CEP78: variants seen among roughly 807,000 people sequenced by gnomAD.
CEP78 encodes centrosomal protein of 78 kDa.
In CEP78, 76 loss-of-function variants were observed where a neutral mutation model predicts 81.2. That is an observed-to-expected ratio of 0.94 (90% CI 0.78 to 1.13). CEP78 has a LOEUF of 1.13. Ranked by LOEUF, CEP78 falls within the 50% of genes most tolerant of loss-of-function variation. The pLI is 0.00. For synonymous variants in CEP78, 293 were observed against 301.4 expected (o/e 0.97, Z 0.29); for missense variants, 918 against 846.8 (o/e 1.08, Z -1.04).
At chr9:78,240,656 A>G (rs1455098689) in intron 3 of CEP78, among the ~76,000 whole-genome samples, 1 of 152,072 alleles carries the variant, frequency 6.6e-6, no homozygotes, top group East Asian at 1.9e-4. Flanking sequence ...TATTTATGGG[A>G]AGGAAATAGC....
At position 78,279,086 on chromosome 9, in the gene CEP78, C is replaced by A. The variant is rs760595798; in HGVS notation, c.*8235C>A. 7 of 126,786 alleles carry A rather than the reference C, an allele frequency of 5.5e-5. No homozygotes were observed. Among genetic ancestry groups the A allele is most frequent in the African/African-American group, 6.8e-5 (2 of 29,210 alleles). The allele number at this position is 126,786 out of a possible 1,614,324, so 7.9% of individuals were successfully genotyped here. ...GAACTGAAAAAAAAAAAAAAGGCAA[C>A]CTTGGTAGTTTAGAAATAGATAAGG... On this transcript the variant is annotated 3_prime_UTR_variant, in exon 17 of 17. Transcript: ENST00000643273.
chr9:78,265,982 T>A, intron 15 of CEP78, 76 bp downstream of exon 15: 1 of 744,378 alleles, frequency 1.3e-6, no homozygotes, highest in Non-Finnish European at 2.4e-6. Flanking sequence ...AGGCATCATC[T>A]AGTTATGGGA....
chr9:78,238,633 G>A (rs1019720628), intron 1 of CEP78, among the ~76,000 whole-genome samples: 50 of 152,308 alleles, frequency 3.3e-4, no homozygotes, highest in African/African-American at 1.2e-3. Context: ...TCTGGGGTTA[G>A]CACCATCTCT....
intron 9 of CEP78, among the ~76,000 whole-genome samples, chr9:78,252,849 C>T (rs1047157864): frequency 6.6e-6 from 1 of 152,084 alleles, no homozygotes; most frequent in Non-Finnish European, 1.5e-5. Context: ...GTGCTGAGGC[C>T]CCAGTCTTTA....
At chr9:78,267,271 T>C (rs960937101) in intron 16 of CEP78, among the ~76,000 whole-genome samples, 1 of 152,328 alleles carries the variant, frequency 6.6e-6, no homozygotes, top group Non-Finnish European at 1.5e-5. Flanking sequence ...ACAAAGCCTT[T>C]AATCTCAAGG....
intron 16 of CEP78, chr9:78,266,970 C>A: frequency 7.1e-7 from 1 of 1,400,908 alleles, no homozygotes; most frequent in Non-Finnish European, 9.2e-7. Flanking sequence ...TTTTGAATTT[C>A]AAGAAAGCAT....
At chr9:78,266,173 C>G (rs1452398985) in intron 15 of CEP78, among the ~76,000 whole-genome samples, 1 of 151,704 alleles carries the variant, frequency 6.6e-6, no homozygotes, top group African/African-American at 2.4e-5. Flanking sequence ...AGGAAAGATA[C>G]TAATTTTCTT....
intron 13 of CEP78, 146 bp downstream of exon 13, chr9:78,264,462 A>C (rs1443121023): frequency 9.9e-6 from 6 of 604,500 alleles, no homozygotes; most frequent in East Asian, 3.3e-5. Context: ...ATGTGGAATT[A>C]ATTTTAAAAG....
rs1421395410 is a variant in CEP78, at chr9:78,278,792, AG to A, written c.*7942del. The A allele has an allele frequency of 1.3e-5, 2 of 152,186 alleles. No homozygotes were observed. Among genetic ancestry groups the A allele is most frequent in the South Asian group, 2.1e-4 (1 of 4,832 alleles). 9.4% of individuals were successfully genotyped at this position (152,186 alleles called of 1,614,324 possible). A position where few individuals can be genotyped will look rare whatever the true frequency, so the allele number is the denominator to read the frequency against. ...TTCCTTGAGCTCTTTAACTCTCTAT[AG>A]TCTTCTGGTAATTTTCTTTAGATTT... On this transcript the variant is annotated 3_prime_UTR_variant, in exon 17 of 17. Transcript: ENST00000643273.
chr9:78,240,014 T>C lies in CEP78; in HGVS notation c.254-9T>C. 6.4e-7 allele frequency: 1 copy of C among 1,555,490 alleles called. No homozygotes were observed. The highest frequency in any genetic ancestry group is 8.6e-7 in the Non-Finnish European group (1 of 1,158,740). Reference sequence around the variant, plus strand: ...TGAAGTCACTAACTTTCTTTTATCTTTGTTTTAGGTTCTGACATGAATAAA... The same window carrying C: ...TGAAGTCACTAACTTTCTTTTATCTCTGTTTTAGGTTCTGACATGAATAAA... On this transcript the variant is annotated splice_polypyrimidine_tract_variant and intron_variant, in intron 1 of 16. Coordinates refer to ENST00000643273, the MANE Select transcript of CEP78 (RefSeq NM_001330691.3).
In CEP78 at chr9:78,271,161, T is replaced by G; in HGVS notation, c.*310T>G. ...GCCCACATGATCTCTCTAACTATGA[T>G]GACCTGCCACTTCCGTTTATAATCA... On this transcript the variant is annotated 3_prime_UTR_variant, in exon 17 of 17. Transcript: ENST00000643273. The G allele has an allele frequency of 4.2e-6, 1 of 238,640 alleles. No homozygotes were observed. The highest frequency in any genetic ancestry group is 8.0e-6 in the Non-Finnish European group (1 of 125,614). 14.8% of individuals were successfully genotyped at this position (238,640 alleles called of 1,614,324 possible). A position where few individuals can be genotyped will look rare whatever the true frequency, so the allele number is the denominator to read the frequency against.
At chr9:78,238,069 G>A (rs1242132729) in intron 1 of CEP78, among the ~76,000 whole-genome samples, 2 of 151,086 alleles carry the variant, frequency 1.3e-5, no homozygotes, top group Non-Finnish European at 2.9e-5. Context: ...AGGTCGCAGT[G>A]AGCTGAGATT....
chr9:78,253,103 G>A, intron 9 of CEP78, 129 bp from the exon 10 acceptor site: 1 of 589,812 alleles, frequency 1.7e-6, no homozygotes, highest in Non-Finnish European at 3.1e-6. Flanking sequence ...GCCCTTATTT[G>A]GAAGTGATTT....
In CEP78 at chr9:78,236,361, C is replaced by T. The variant is rs758699168; in HGVS notation, c.11C>T (p.Ser4Phe). 3.2e-5 allele frequency: 51 copies of T among 1,578,492 alleles called. No individual in the cohort carries two copies. The highest frequency in any genetic ancestry group is 4.4e-5 in the Non-Finnish European group (51 of 1,166,172). Residue 4 changes from serine to phenylalanine, a missense_variant, in exon 1 of 17, where the codon TCC (serine) becomes TTC (phenylalanine). Ser to Phe is a radical substitution (Grantham distance 155, BLOSUM62 -2). Transcript: ENST00000643273. MID[S>F]VKLRRDSAAD... is the part of the protein sequence containing the mutation. ...GGCCGCCCTCGGGCCATGATCGACT[C>T]CGTGAAGCTGCGCCGCGACAGCGCG...
rs1827794993 is a variant in CEP78, at chr9:78,275,937, A to T, written c.*5086A>T. On this transcript the variant is annotated 3_prime_UTR_variant, in exon 17 of 17. Coordinates refer to ENST00000643273, the MANE Select transcript of CEP78 (RefSeq NM_001330691.3). ...GCTCTCTAGCCTGGGCAAGAGTGAG[A>T]CTCCGACTCAAGAAGAGAAAAAGAA... 1 of 152,200 alleles carries T rather than the reference A, an allele frequency of 6.6e-6. No homozygotes were observed. The highest frequency in any genetic ancestry group is 2.4e-5 in the African/African-American group (1 of 41,416). The allele number at this position is 152,200 out of a possible 1,614,324, so 9.4% of individuals were successfully genotyped here.
chr9:78,274,233 A>G lies in CEP78; in HGVS notation c.*3382A>G, dbSNP rs1056839626. ...GTGAAAAAGCCAGTCTCGGAAGGCT[A>G]CATTCTGTATGATTCCATTTATATG... On this transcript the variant is annotated 3_prime_UTR_variant, in exon 17 of 17. Transcript: ENST00000643273. 2 of 152,242 alleles carry G rather than the reference A, an allele frequency of 1.3e-5. No homozygotes were observed. Among genetic ancestry groups the G allele is most frequent in the Non-Finnish European group, 2.9e-5 (2 of 68,046 alleles). 9.4% of individuals were successfully genotyped at this position (152,242 alleles called of 1,614,324 possible). A position where few individuals can be genotyped will look rare whatever the true frequency, so the allele number is the denominator to read the frequency against.
At chr9:78,240,631 T>C (rs971882000) in intron 3 of CEP78, among the ~76,000 whole-genome samples, 11 of 152,084 alleles carry the variant, frequency 7.2e-5, no homozygotes, top group Admixed American at 2.0e-4. Flanking sequence ...TCTTTTAGAG[T>C]TTTTCTTCAA....
At chr9:78,253,304 G>T in intron 10 of CEP78, 27 bp downstream of exon 10, 2 of 1,057,246 alleles carry the variant, frequency 1.9e-6, no homozygotes, top group South Asian at 2.7e-5. Context: ...TTTATAATAT[G>T]TAGGGGATTG....
rs770760953 is a variant in CEP78, at chr9:78,252,055, T to C, written c.1205+12T>C. 1.9e-6 allele frequency: 3 copies of C among 1,564,762 alleles called. No individual in the cohort carries two copies. In the South Asian group the frequency reaches 3.5e-5, roughly 18 times the overall value. ...GCAAAAAGACACAGGTAGGGTATTT[T>C]TATTTCCTATCTTTTAGGATAAAAA... On this transcript the variant is annotated intron_variant, in intron 9 of 16. Transcript: ENST00000643273.
Sources: gnomAD v4.1 joint callset for allele counts (sites outside exome capture counted in the v4.1 genomes callset) on GRCh38, gnomAD v4.1.1 for gene constraint, MANE v1.5 for transcripts, NCBI Gene and HGNC (gene_info 2026-07-23, HGNC 2026-07-21) for gene names.